Variants in SYT17 observed in about 807,000 individuals in gnomAD.
SYT17 encodes the protein synaptotagmin 17.
A neutral mutation model predicts 46.7 loss-of-function variants in SYT17; 22 were observed. The observed-to-expected ratio is 0.47, with a 90% CI of 0.34 to 0.67. The LOEUF (loss-of-function observed/expected upper bound fraction) is 0.67. Ranked by LOEUF, SYT17 falls within the 30% of genes least tolerant of loss-of-function variation. The probability of loss-of-function intolerance (pLI) is 0.01; values close to 1 mark genes in which losing one functional copy is unlikely to be tolerated. For missense variants in SYT17, 519 were observed against 612.8 expected, an observed-to-expected ratio of 0.85 and a Z score of 1.62; for synonymous variants, 251 against 248.4, an observed-to-expected ratio of 1.01 and a Z score of -0.10.
At chr16:19,175,645 CAAAAAAAAAAAA>C (rs34788366) in intron 3 of SYT17, among the ~76,000 whole-genome samples, 2,076 of 67,812 alleles carry the variant, frequency 0.031, 66 homozygotes, top group African/African-American at 0.1. Context: ...AGCAAGACTT[CAAAAAAAAAAAA>C]AAAAAAAAAA....
chr16:19,235,814 G>C (rs1230674152), intron 7 of SYT17, among the ~76,000 whole-genome samples: 1 of 152,208 alleles, frequency 6.6e-6, no homozygotes, highest in Admixed American at 6.5e-5. Context: ...TTTGCTGGAT[G>C]AACTCAATAG....
chr16:19,256,283 G>T (rs1274843913), intron 7 of SYT17, among the ~76,000 whole-genome samples: 2 of 151,938 alleles, frequency 1.3e-5, no homozygotes, highest in Non-Finnish European at 2.9e-5. Flanking sequence ...TCATTCAAAA[G>T]TCAGAGCCAA....
chr16:19,259,157 G>A (rs1299063490), intron 7 of SYT17, among the ~76,000 whole-genome samples: 1 of 152,204 alleles, frequency 6.6e-6, no homozygotes, highest in Non-Finnish European at 1.5e-5. Flanking sequence ...GCCTTAGGGT[G>A]CTGGAGATTA....
rs1964670228 is a variant in SYT17, at chr16:19,183,951, A to T, written c.755A>T (p.Gln252Leu). The T allele has an allele frequency of 3.1e-6, 5 of 1,614,222 alleles. No homozygotes were observed. The highest frequency in any genetic ancestry group is 3.3e-4 in the Middle Eastern group (2 of 6,062). The change falls in exon 5 of 8, where the codon CAG becomes CTG. Residue 252 changes from glutamine (Q) to leucine (L), a missense_variant. By Grantham distance (113) the Gln-to-Leu change is moderately radical. Coordinates refer to ENST00000355377, the MANE Select transcript of SYT17 (RefSeq NM_016524.4). This position sits in a 1 kb window ranked among gnomAD's most constrained non-coding sequence, Gnocchi z 5.6. The part of the protein sequence containing the change: ...SKQTGVKRKT[Q>L]KPVFEERYTF... ...CAGACCGGGGTCAAACGCAAGACCC[A>T]GAAGCCCGTGTTTGAGGAGCGCTAC... is the stretch of plus-strand genomic sequence containing the variant.
chr16:19,265,802 T>C (rs1969316491), intron 7 of SYT17, among the ~76,000 whole-genome samples: 1 of 152,202 alleles, frequency 6.6e-6, no homozygotes, highest in South Asian at 2.1e-4. Context: ...AACCGTCTCA[T>C]TAGGCTTGAA....
intron 5 of SYT17, among the ~76,000 whole-genome samples, chr16:19,215,727 TTAA>T (rs1966070665): frequency 6.6e-6 from 1 of 152,210 alleles, no homozygotes; most frequent in Non-Finnish European, 1.5e-5. Context: ...AACTTTATTA[TTAA>T]TAATAAGTTA....
chr16:19,195,193 A>AT, intron 5 of SYT17, among the ~76,000 whole-genome samples: 1 of 152,170 alleles, frequency 6.6e-6, no homozygotes, highest in East Asian at 1.9e-4. Flanking sequence ...AAGTGCTTTT[A>AT]TTGTGTGAAC....
chr16:19,191,071 C>T (rs777660219), intron 5 of SYT17, among the ~76,000 whole-genome samples: 23 of 151,826 alleles, frequency 1.5e-4, no homozygotes, highest in Non-Finnish European at 2.9e-4. Context: ...CGTGGCCATG[C>T]GGGAACCTTT....
intron 2 of SYT17, 96 bp from the exon 3 acceptor site, chr16:19,173,334 T>A: frequency 1.3e-6 from 1 of 770,502 alleles, no homozygotes. Context: ...GATCGGCTGC[T>A]TGTAATTTTG....
At chr16:19,190,982 G>T (rs1964994392) in intron 5 of SYT17, among the ~76,000 whole-genome samples, 1 of 152,002 alleles carries the variant, frequency 6.6e-6, no homozygotes, top group Admixed American at 6.6e-5. Context: ...AAATATCCAC[G>T]ATGTAGGTGG....
chr16:19,254,528 A>G (rs1297436068), intron 7 of SYT17, among the ~76,000 whole-genome samples: 1 of 152,208 alleles, frequency 6.6e-6, no homozygotes, highest in African/African-American at 2.4e-5. Context: ...AAATTGGAAG[A>G]TCACAACATA....
At chr16:19,229,282 G>T (rs73532772) in intron 7 of SYT17, among the ~76,000 whole-genome samples, 1 of 152,152 alleles carries the variant, frequency 6.6e-6, no homozygotes, top group African/African-American at 2.4e-5. Context: ...TTGGCTCATG[G>T]GTCCTCAGGC....
intron 7 of SYT17, among the ~76,000 whole-genome samples, chr16:19,244,936 G>A (rs1315469985): frequency 1.3e-5 from 2 of 152,224 alleles, no homozygotes; most frequent in African/African-American, 4.8e-5. Flanking sequence ...TACACGTTGA[G>A]GGAGAGAGTG....
In SYT17 at chr16:19,180,529, G is replaced by A. The variant is rs773155541; in HGVS notation, c.321G>A (p.Arg107=). The change falls in exon 4 of 8, where the codon CGG becomes CGA. Residue 107 remains arginine, a synonymous_variant. Transcript: ENST00000355377. The stretch of plus-strand genomic sequence containing the variant: ...CCAAGTCTACATACAGCCTGACGCG[G>A]AGGATTTCGAGTAAGTATCTCTGCT... ...DTSKSTYSLT[R]RISSLESRRP... The A allele has an allele frequency of 1.9e-6, 3 of 1,614,046 alleles. No homozygotes were observed. The African/African-American group carries it at 4.0e-5, about 22-fold the overall frequency.
chr16:19,196,692 G>A (rs1234130987), intron 5 of SYT17, among the ~76,000 whole-genome samples: 1 of 152,046 alleles, frequency 6.6e-6, no homozygotes, highest in Non-Finnish European at 1.5e-5. Context: ...CTACCAGAAT[G>A]GTACATTTGT....
chr16:19,257,670 G>A (rs183432511), intron 7 of SYT17, among the ~76,000 whole-genome samples: 2 of 152,336 alleles, frequency 1.3e-5, no homozygotes, highest in Non-Finnish European at 2.9e-5. Context: ...AAGTAGGCAG[G>A]ACTATGAAAC....
At chr16:19,243,214 G>A (rs888801495) in intron 7 of SYT17, among the ~76,000 whole-genome samples, 1 of 152,200 alleles carries the variant, frequency 6.6e-6, no homozygotes, top group Non-Finnish European at 1.5e-5. Context: ...CTTTGCCTCT[G>A]TCTTCATGAG....
intron 5 of SYT17, 150 bp downstream of exon 5, chr16:19,184,297 C>A: frequency 2.0e-6 from 2 of 1,016,558 alleles, no homozygotes; most frequent in Non-Finnish European, 1.4e-6. Context: ...GCAAAAATAG[C>A]AGAGAGTTCC....
chr16:19,221,559 C>A (rs1362686478), intron 5 of SYT17, among the ~76,000 whole-genome samples: 2 of 152,150 alleles, frequency 1.3e-5, no homozygotes, highest in Non-Finnish European at 2.9e-5. Flanking sequence ...GAGATTGTTT[C>A]TTGTTTGTTT....
Sources: gnomAD v4.1 joint callset for allele counts (sites outside exome capture counted in the v4.1 genomes callset) on GRCh38, gnomAD v4.1.1 for gene constraint, Gnocchi (gnomAD v3.1) non-coding constraint, MANE v1.5 for transcripts, NCBI Gene and HGNC (gene_info 2026-07-23, HGNC 2026-07-21) for gene names.